The following SYT7 variants were observed in gnomAD, a reference collection of about 807,000 sequenced individuals.
The protein encoded by SYT7 is synaptotagmin-7.
In SYT7, 29 loss-of-function variants were observed where a neutral mutation model predicts 75.1. That is an observed-to-expected ratio of 0.39 (90% CI 0.29 to 0.53). The LOEUF (loss-of-function observed/expected upper bound fraction) is 0.53, where lower values mean the gene tolerates loss of function less well. Ranked by LOEUF, SYT7 falls within the 20% of genes least tolerant of loss-of-function variation. SYT7 has a pLI of 0.77. For missense variants in SYT7, 693 were observed against 953.2 expected (o/e 0.73, Z 3.59); for synonymous variants, 376 against 401.7 (o/e 0.94, Z 0.76).
rs1207278869 is a variant in SYT7 at position 61,516,736 on chromosome 11, A to G, written c.*1891T>C. The G allele has an allele frequency of 6.6e-6, 1 of 152,232 alleles. No homozygotes were observed. Among genetic ancestry groups the G allele is most frequent in the East Asian group, 1.9e-4 (1 of 5,184 alleles). 9.4% of individuals were successfully genotyped at this position (152,232 alleles called of 1,614,324 possible). A position where few individuals can be genotyped will look rare whatever the true frequency, so the allele number is the denominator to read the frequency against. On this transcript the variant is annotated 3_prime_UTR_variant, in exon 13 of 13. Coordinates refer to ENST00000539008, the MANE Select transcript of SYT7 (RefSeq NM_001365809.2). This position sits in a 1 kb window ranked among gnomAD's most constrained non-coding sequence, Gnocchi z 4.6. ...TTAAGCAAAGCTACAATATAGAAAC[A>G]TTTGGATTTACAAGGAACGTGGGTG...
intron 6 of SYT7, chr11:61,539,434 C>G (rs1286322224): frequency 1.3e-5 from 2 of 152,068 alleles, no homozygotes; most frequent in African/African-American, 4.8e-5. Context: ...CATCAGAGTC[C>G]GCGAGCGTTT....
intron 1 of SYT7, among the ~76,000 whole-genome samples, chr11:61,559,743 A>C (rs1590926097): frequency 6.6e-6 from 1 of 151,688 alleles, no homozygotes; most frequent in African/African-American, 2.4e-5. Flanking sequence ...ACCATCCTCA[A>C]CCCCTGCTGC....
In SYT7 at chr11:61,518,431, G is replaced by A. The variant is rs1387251757; in HGVS notation, c.*196C>T. ...AAATGCCTCCCAGAGCCCCTTCCCC[G>A]GAGCTGGACTGTGGGGGATGGGGCT... On this transcript the variant is annotated 3_prime_UTR_variant, in exon 13 of 13. Coordinates refer to ENST00000539008, the MANE Select transcript of SYT7 (RefSeq NM_001365809.2). The A allele has an allele frequency of 1.9e-5, 8 of 414,712 alleles. No homozygotes were observed. The highest frequency in any genetic ancestry group is 3.5e-5 in the East Asian group (1 of 28,346). 25.7% of individuals were successfully genotyped at this position (414,712 alleles called of 1,614,324 possible). A position where few individuals can be genotyped will look rare whatever the true frequency, so the allele number is the denominator to read the frequency against.
At chr11:61,572,117 G>GA (rs1491334643) in intron 1 of SYT7, among the ~76,000 whole-genome samples, 1 of 125,660 alleles carries the variant, frequency 8.0e-6, no homozygotes, top group African/African-American at 3.8e-5. Flanking sequence ...GAATGAGGTT[G>GA]GGGGGGGGGC....
intron 3 of SYT7, among the ~76,000 whole-genome samples, chr11:61,547,958 C>T (rs2063240674): frequency 6.6e-6 from 1 of 152,246 alleles, no homozygotes; most frequent in Non-Finnish European, 1.5e-5. Context: ...CCTTGCCCAT[C>T]TTTCTCCTCC....
rs1259304783 is a variant in SYT7 at position 61,523,129 on chromosome 11, G to A, written c.1902C>T (p.Ile634=). 2 of 1,614,112 alleles carry A rather than the reference G, an allele frequency of 1.2e-6. No individual in the cohort carries two copies. Among genetic ancestry groups the A allele is most frequent in the Non-Finnish European group, 1.7e-6 (2 of 1,180,054 alleles). The change falls in exon 12 of 13, where the codon ATC becomes ATT. Residue 634 remains isoleucine (I), a synonymous_variant. Transcript: ENST00000539008. This position sits in a 1 kb window ranked among gnomAD's most constrained non-coding sequence, Gnocchi z 5.0. The part of the protein sequence containing the change: ...IPTEKLRETT[I]IITVMDKDKL... ...TGTCCTTGTCCATGACAGTGATGATGATGGTCGTCTCCCTCAGCTTCTCCG... is the reference window on the plus strand; with the variant it reads ...TGTCCTTGTCCATGACAGTGATGATAATGGTCGTCTCCCTCAGCTTCTCCG...
Position 61,524,053 on chromosome 11 carries a change from G to A in SYT7, c.1642-112C>T. 1.0e-6 allele frequency: 1 copy of A among 971,936 alleles called. No individual in the cohort carries two copies. Among genetic ancestry groups the A allele is most frequent in the Admixed American group, 2.0e-5 (1 of 51,000 alleles). 60.2% of individuals were successfully genotyped at this position (971,936 alleles called of 1,614,324 possible). A position where few individuals can be genotyped will look rare whatever the true frequency, so the allele number is the denominator to read the frequency against. On this transcript the variant is annotated intron_variant, in intron 10 of 12. Transcript: ENST00000539008. This position sits in a 1 kb window ranked among gnomAD's most constrained non-coding sequence, Gnocchi z 4.1. ...GACCTTGGTGCTTACCCATGCCCCT[G>A]TCTGTCACCTCTGTCTCACTCTGTC...
Position 61,532,971 on chromosome 11 carries a change from A to G in SYT7, c.1200+18T>C. On this transcript the variant is annotated intron_variant, in intron 8 of 12. Transcript: ENST00000539008. ...CCAGCCCAGTTCCTTGGAGCAGCGCAGGCTCCCTCATTCTCACCATGAGCA... is the reference window on the plus strand; with the variant it reads ...CCAGCCCAGTTCCTTGGAGCAGCGCGGGCTCCCTCATTCTCACCATGAGCA... The G allele has an allele frequency of 5.0e-6, 8 of 1,612,142 alleles. No homozygotes were observed. The highest frequency in any genetic ancestry group is 6.8e-6 in the Non-Finnish European group (8 of 1,179,886).
intron 8 of SYT7, among the ~76,000 whole-genome samples, chr11:61,531,533 G>A (rs757628606): frequency 3.9e-5 from 6 of 152,050 alleles, no homozygotes; most frequent in Admixed American, 6.5e-5. Flanking sequence ...AAGGGGAGAG[G>A]TGGGGAGGCC....
chr11:61,557,232 T>C (rs770834578), intron 1 of SYT7, among the ~76,000 whole-genome samples: 7 of 152,322 alleles, frequency 4.6e-5, no homozygotes, highest in Non-Finnish European at 5.9e-5. Flanking sequence ...AGATCACACA[T>C]GCGCTATCAA....
At chr11:61,520,475 A>G (rs1201646247) in intron 12 of SYT7, among the ~76,000 whole-genome samples, 1 of 151,942 alleles carries the variant, frequency 6.6e-6, no homozygotes, top group African/African-American at 2.4e-5. Flanking sequence ...GCAGTCAGCC[A>G]TGATTGTGCC....
rs544659919 is a variant in SYT7, at chr11:61,543,261, G to C, written c.573-682C>G. Among the ~76,000 whole-genome samples the C allele has an allele frequency of 3.9e-5, 6 of 152,284 alleles. No homozygotes were observed. In the South Asian group the frequency reaches 1.2e-3, roughly 32 times the overall value. ...TTTCCAAGGTCCAGCATCCTCTCCT[G>C]GGACCTTGGAAATATCTCCCAGTCA... On this transcript the variant is annotated intron_variant, in intron 5 of 12. Coordinates refer to ENST00000539008, the MANE Select transcript of SYT7 (RefSeq NM_001365809.2).
intron 1 of SYT7, among the ~76,000 whole-genome samples, chr11:61,558,190 C>G (rs767351505): frequency 5.3e-5 from 8 of 152,202 alleles, no homozygotes; most frequent in Middle Eastern, 3.2e-3. Flanking sequence ...GGCATGGTGG[C>G]TCATGCCTGT....
At chr11:61,556,334 G>A (rs1028912560) in intron 1 of SYT7, 127 bp from the exon 2 acceptor site, 1 of 691,670 alleles carries the variant, frequency 1.4e-6, no homozygotes, top group East Asian at 2.8e-5. Context: ...CTGAACCCAG[G>A]TTCTACTCCC....
In SYT7 at chr11:61,538,315, G is replaced by A. The variant is rs750123913; in HGVS notation, c.942-49C>T. On this transcript the variant is annotated intron_variant, in intron 6 of 12. Transcript: ENST00000539008. ...GGCCAGGGTGAAACGAGGAGGCCCC[G>A]TGGGCGGGGGCAGGGGGGAAGGAGA... The A allele has an allele frequency of 4.0e-5, 60 of 1,518,116 alleles. 1 individual carries two copies. The highest frequency in any genetic ancestry group is 7.2e-5 in the South Asian group (6 of 82,924). 94.0% of individuals were successfully genotyped at this position (1,518,116 alleles called of 1,614,324 possible). A position where few individuals can be genotyped will look rare whatever the true frequency, so the allele number is the denominator to read the frequency against.
upstream of SYT7, among the ~76,000 whole-genome samples, chr11:61,582,156 CA>C (rs2064293207): frequency 6.6e-6 from 1 of 151,546 alleles, no homozygotes; most frequent in Non-Finnish European, 1.5e-5. Context: ...GCTGCCCACA[CA>C]AAGAGACACA....
chr11:61,537,830 G>A (rs1451988013), intron 7 of SYT7, among the ~76,000 whole-genome samples: 2 of 152,180 alleles, frequency 1.3e-5, no homozygotes, highest in Admixed American at 6.5e-5. Flanking sequence ...AAAGATGGAG[G>A]GGCAGCAGAG....
intron 1 of SYT7, among the ~76,000 whole-genome samples, chr11:61,571,201 C>T (rs531625865): frequency 1.3e-5 from 2 of 152,328 alleles, no homozygotes; most frequent in Non-Finnish European, 2.9e-5. Context: ...GCGATGTGTG[C>T]CCATGTGCCT....
chr11:61,582,486 A>T (rs563131356), upstream of SYT7, among the ~76,000 whole-genome samples: 1 of 151,264 alleles, frequency 6.6e-6, no homozygotes, highest in African/African-American at 2.4e-5. Context: ...TTGAAATCAC[A>T]TGGAGGCTAT....
Sources: gnomAD v4.1 joint callset for allele counts (sites outside exome capture counted in the v4.1 genomes callset) on GRCh38, gnomAD v4.1.1 for gene constraint, Gnocchi (gnomAD v3.1) non-coding constraint, MANE v1.5 for transcripts, NCBI Gene and HGNC (gene_info 2026-07-23, HGNC 2026-07-21) for gene names.